DAB2IP: variants seen among roughly 807,000 people sequenced by gnomAD.
DAB2IP encodes DAB2 interacting protein.
In DAB2IP, 28 loss-of-function variants were observed where a neutral mutation model predicts 107.2. The ratio of observed to expected loss-of-function variants is 0.26; its 90% CI spans 0.19 to 0.36. DAB2IP has a LOEUF of 0.36. Ranked by LOEUF, DAB2IP falls within the 10% of genes least tolerant of loss-of-function variation. DAB2IP has a pLI of 1.00. For missense variants in DAB2IP, 1,400 were observed against 1,644.7 expected (o/e 0.85, Z 2.57); for synonymous variants, 755 against 706.4 (o/e 1.07, Z -1.09).
At chr9:121,712,980 T>G (rs1267492681) in intron 3 of DAB2IP, among the ~76,000 whole-genome samples, 1 of 152,220 alleles carries the variant, frequency 6.6e-6, no homozygotes, top group African/African-American at 2.4e-5. Flanking sequence ...TGGGGAGCTC[T>G]TTCCACCTGG....
At chr9:121,573,522 C>G (rs1038106026) in intron 1 of DAB2IP, among the ~76,000 whole-genome samples, 1 of 151,958 alleles carries the variant, frequency 6.6e-6, no homozygotes. Flanking sequence ...GTAGCTGGGA[C>G]TACAGGCGCG....
intron 3 of DAB2IP, among the ~76,000 whole-genome samples, chr9:121,707,285 G>A (rs1703568496): frequency 6.6e-6 from 1 of 152,158 alleles, no homozygotes; most frequent in African/African-American, 2.4e-5. Flanking sequence ...CTTTTTAGAG[G>A]TTGCGCAAAA....
chr9:121,683,512 C>T (rs567278906), intron 2 of DAB2IP, among the ~76,000 whole-genome samples: 31 of 152,206 alleles, frequency 2.0e-4, no homozygotes, highest in African/African-American at 6.5e-4. Flanking sequence ...AGTGGAGAGT[C>T]GTGTTTGAAG....
upstream of DAB2IP, among the ~76,000 whole-genome samples, chr9:121,648,949 G>C (rs951903727): frequency 6.6e-6 from 1 of 152,168 alleles, no homozygotes; most frequent in African/African-American, 2.4e-5. Context: ...GCGGGAGGTG[G>C]GAGCAGATGG....
intron 3 of DAB2IP, among the ~76,000 whole-genome samples, chr9:121,715,333 T>C (rs1830542172): frequency 6.6e-6 from 1 of 151,342 alleles, no homozygotes; most frequent in Admixed American, 6.6e-5. Context: ...GTAGTTTTCT[T>C]TTTCTTTTTC....
intron 10 of DAB2IP, among the ~76,000 whole-genome samples, chr9:121,769,147 A>G (rs1834512553): frequency 6.6e-6 from 1 of 152,156 alleles, no homozygotes; most frequent in Admixed American, 6.5e-5. Flanking sequence ...CCACACAGTG[A>G]GCAACTAGTT....
intron 3 of DAB2IP, among the ~76,000 whole-genome samples, chr9:121,721,256 C>G (rs1830915749): frequency 6.6e-6 from 1 of 152,170 alleles, no homozygotes; most frequent in African/African-American, 2.4e-5. Context: ...TGCAGGTGTG[C>G]CCAGCTGTGG....
chr9:121,706,852 C>A (rs560199295), intron 3 of DAB2IP, among the ~76,000 whole-genome samples: 15 of 152,308 alleles, frequency 9.8e-5, no homozygotes, highest in African/African-American at 3.6e-4. Flanking sequence ...AAGCCACCAG[C>A]GTGCAGCAGA....
intron 1 of DAB2IP, among the ~76,000 whole-genome samples, chr9:121,675,443 C>A (rs1833862237): frequency 6.6e-6 from 1 of 152,166 alleles, no homozygotes; most frequent in Admixed American, 6.5e-5. Flanking sequence ...GCATTAGAAG[C>A]AGTCGGGCTT....
intron 1 of DAB2IP, among the ~76,000 whole-genome samples, chr9:121,580,362 G>C (rs1316082148): frequency 6.6e-6 from 1 of 152,186 alleles, no homozygotes; most frequent in African/African-American, 2.4e-5. Context: ...GTGGGAAGGA[G>C]AAGATGCTGA....
chr9:121,619,202 A>G (rs1350311195), intron 1 of DAB2IP, among the ~76,000 whole-genome samples: 1 of 152,208 alleles, frequency 6.6e-6, no homozygotes, highest in Admixed American at 6.5e-5. Context: ...GCTGGAATGC[A>G]GTGGCGTGAT....
Position 121,699,337 on chromosome 9 carries a change from C to T in DAB2IP, c.241C>T (p.Arg81Cys). The T allele has an allele frequency of 6.8e-7, 1 of 1,468,132 alleles. No homozygotes were observed. The highest frequency in any genetic ancestry group is 1.5e-5 in the African/African-American group (1 of 68,082). 90.9% of individuals were successfully genotyped at this position (1,468,132 alleles called of 1,614,324 possible). ...CCCCCGTGCGCAGGGCTTCCTCAGCCGCCGCCTCAAGGGCTCCATCAAGCG... is the reference window on the plus strand; with the variant it reads ...CCCCCGTGCGCAGGGCTTCCTCAGCTGCCGCCTCAAGGGCTCCATCAAGCG... Residue 81 changes from arginine (R) to cysteine (C), a missense_variant, in exon 3 of 16, where the codon CGC becomes TGC. By Grantham distance (180) the Arg-to-Cys change is radical. Coordinates refer to ENST00000408936, the Ensembl canonical transcript of DAB2IP. This position sits in a 1 kb window ranked among gnomAD's most constrained non-coding sequence, Gnocchi z 6.2.
At chr9:121,720,628 A>C (rs1365347642) in intron 3 of DAB2IP, among the ~76,000 whole-genome samples, 1 of 152,070 alleles carries the variant, frequency 6.6e-6, no homozygotes, top group Non-Finnish European at 1.5e-5. Context: ...CAGTGAGCAC[A>C]CCCTGGAGGC....
chr9:121,621,518 C>T lies in DAB2IP; in HGVS notation c.40+54290C>T, dbSNP rs117330195. ...TGCCTGGTGTGCCTTCCCCTCAGCC[C>T]GGTGCCTGCCTGTGGATCTGATCAC... On this transcript the variant is annotated intron_variant, in intron 1 of 16. Transcript: ENST00000259371. 1.3e-3 allele frequency among the ~76,000 whole-genome samples: 195 copies of T among 152,246 alleles called. 1 individual carries two copies. Among genetic ancestry groups the T allele is most frequent in the East Asian group, 9.8e-3 (51 of 5,182 alleles).
intron 3 of DAB2IP, among the ~76,000 whole-genome samples, chr9:121,712,179 G>A (rs567528225): frequency 6.6e-6 from 1 of 152,320 alleles, no homozygotes; most frequent in Admixed American, 6.5e-5. Flanking sequence ...GGCTGGCTCT[G>A]GTGTGTCCAC....
intron 1 of DAB2IP, among the ~76,000 whole-genome samples, chr9:121,584,050 G>A (rs550531594): frequency 2.0e-5 from 3 of 152,230 alleles, no homozygotes; most frequent in South Asian, 2.1e-4. Flanking sequence ...GGTGGTGCAC[G>A]CCTGTAATCC....
At chr9:121,750,913 A>T (rs1833069740) in intron 3 of DAB2IP, 1 of 155,332 alleles carries the variant, frequency 6.4e-6, no homozygotes, top group South Asian at 1.9e-4. Context: ...CCTCACAATG[A>T]GCTGCTGTTG....
intron 3 of DAB2IP, among the ~76,000 whole-genome samples, chr9:121,715,227 T>C (rs1830536228): frequency 6.6e-6 from 1 of 152,118 alleles, no homozygotes; most frequent in Non-Finnish European, 1.5e-5. Flanking sequence ...AGAGAGAGGG[T>C]TATAGGACTC....
At chr9:121,646,993 G>A (rs370581769), upstream of DAB2IP, among the ~76,000 whole-genome samples, 15 of 152,266 alleles carry the variant, frequency 9.9e-5, no homozygotes, top group African/African-American at 3.6e-4. Context: ...ATGAGATGAT[G>A]TGGGTAGAAT....
Sources: allele counts gnomAD v4.1 joint callset (sites outside exome capture counted in the v4.1 genomes callset), GRCh38; gene constraint gnomAD v4.1.1; non-coding constraint Gnocchi (gnomAD v3.1); transcripts MANE v1.5; gene names NCBI Gene and HGNC (gene_info 2026-07-23, HGNC 2026-07-21).